The following NR3C2 variants were observed in gnomAD, a reference collection of about 807,000 sequenced individuals.
NR3C2 encodes mineralocorticoid receptor.
NR3C2 carries 15 observed loss-of-function variants against 86.4 expected under a neutral mutation model. The observed-to-expected ratio is 0.17, with a 90% CI of 0.12 to 0.27. The LOEUF (loss-of-function observed/expected upper bound fraction) is 0.27, where lower values mean the gene tolerates loss of function less well. Among genes scored for constraint, NR3C2 ranks in the 10% least tolerant of loss-of-function variants. The pLI is 1.00. For synonymous variants in NR3C2, 458 were observed against 450.5 expected, an observed-to-expected ratio of 1.02 and a Z score of -0.21; for missense variants, 960 against 1,195.6, an observed-to-expected ratio of 0.80 and a Z score of 2.91.
At chr4:148,311,066 T>C (rs975888619) in intron 2 of NR3C2, among the ~76,000 whole-genome samples, 4 of 152,192 alleles carry the variant, frequency 2.6e-5, no homozygotes, top group Non-Finnish European at 5.9e-5. Flanking sequence ...ATGTTCTTTG[T>C]TTGCTTTCCA....
chr4:148,323,891 C>T (rs1050191059), intron 2 of NR3C2, among the ~76,000 whole-genome samples: 2 of 152,194 alleles, frequency 1.3e-5, no homozygotes, highest in African/African-American at 2.4e-5. Context: ...ATTTGGCCAT[C>T]TTGGCTCCTC....
chr4:148,212,769 T>A (rs1737342722), intron 3 of NR3C2, among the ~76,000 whole-genome samples: 10 of 152,244 alleles, frequency 6.6e-5, no homozygotes, highest in Admixed American at 6.5e-4. Flanking sequence ...CAAAATTTAA[T>A]CGCATGATCC....
At chr4:148,095,182 C>T (rs1162422435) in intron 8 of NR3C2, among the ~76,000 whole-genome samples, 1 of 152,168 alleles carries the variant, frequency 6.6e-6, no homozygotes, top group Non-Finnish European at 1.5e-5. Context: ...GTATATTCCA[C>T]AATAAATATT....
intron 2 of NR3C2, among the ~76,000 whole-genome samples, chr4:148,364,723 T>C (rs1423166648): frequency 6.6e-6 from 1 of 152,176 alleles, no homozygotes; most frequent in African/African-American, 2.4e-5. Flanking sequence ...CAATGTGCCA[T>C]ATGGCCTGAC....
intron 2 of NR3C2, among the ~76,000 whole-genome samples, chr4:148,399,236 A>G (rs1028894030): frequency 6.6e-6 from 1 of 152,168 alleles, no homozygotes; most frequent in Non-Finnish European, 1.5e-5. Context: ...TTCTGCTTCC[A>G]TATATAGTAA....
intron 8 of NR3C2, among the ~76,000 whole-genome samples, chr4:148,094,712 T>C (rs1471138102): frequency 2.4e-5 from 3 of 124,970 alleles, no homozygotes; most frequent in Admixed American, 2.3e-4. Context: ...CAAAACTCCA[T>C]CTCAAAAAAA....
In NR3C2 at chr4:148,180,487, T is replaced by C. The variant is rs77464039; in HGVS notation, c.2014+14259A>G. 5.3e-5 allele frequency among the ~76,000 whole-genome samples: 8 copies of C among 152,340 alleles called. No individual in the cohort carries two copies. The East Asian group carries it at 1.3e-3, about 26-fold the overall frequency. ...CTTCTGCTTACTAACACTGTTAGTGTTAATGCTTCTCTTTTTAGTTCAAAA... is the reference window on the plus strand; with the variant it reads ...CTTCTGCTTACTAACACTGTTAGTGCTAATGCTTCTCTTTTTAGTTCAAAA... On this transcript the variant is annotated intron_variant, in intron 4 of 8. Transcript: ENST00000358102.
At chr4:148,226,452 T>G (rs1020899123) in intron 3 of NR3C2, among the ~76,000 whole-genome samples, 1 of 152,202 alleles carries the variant, frequency 6.6e-6, no homozygotes, top group African/African-American at 2.4e-5. Context: ...TTTTCATTGC[T>G]GAATAGTATT....
intron 6 of NR3C2, among the ~76,000 whole-genome samples, chr4:148,122,468 T>C (rs1478767288): frequency 2.0e-5 from 3 of 152,232 alleles, no homozygotes; most frequent in Non-Finnish European, 4.4e-5. Context: ...GATTAAGAAA[T>C]CGGAGAGTCT....
At chr4:148,126,392 G>A (rs1732747795) in intron 6 of NR3C2, among the ~76,000 whole-genome samples, 1 of 152,106 alleles carries the variant, frequency 6.6e-6, no homozygotes, top group African/African-American at 2.4e-5. Context: ...AAACCAAGAA[G>A]GAGTCAAGTC....
chr4:148,444,139 G>A, upstream of NR3C2: 3 of 985,382 alleles, frequency 3.0e-6, no homozygotes, highest in Non-Finnish European at 3.6e-6. Flanking sequence ...GGGAGCAAGG[G>A]GAGTCCCGGA....
At chr4:148,256,046 C>T (rs1488052192) in intron 3 of NR3C2, among the ~76,000 whole-genome samples, 1 of 152,190 alleles carries the variant, frequency 6.6e-6, no homozygotes, top group Non-Finnish European at 1.5e-5. Context: ...AAACTTCTAA[C>T]AGAAGAGGCA....
At chr4:148,408,456 G>A (rs1044262936) in intron 2 of NR3C2, among the ~76,000 whole-genome samples, 2 of 152,178 alleles carry the variant, frequency 1.3e-5, no homozygotes, top group Middle Eastern at 6.8e-3. Context: ...GTTTTATCTT[G>A]ATTCCCCCAC....
intron 2 of NR3C2, among the ~76,000 whole-genome samples, chr4:148,270,499 CAAT>C (rs1740626271): frequency 6.6e-6 from 1 of 152,080 alleles, no homozygotes; most frequent in Non-Finnish European, 1.5e-5. Flanking sequence ...CAATTAATGG[CAAT>C]GTTATAGTGC....
intron 2 of NR3C2, among the ~76,000 whole-genome samples, chr4:148,396,776 A>G (rs1225151138): frequency 6.6e-6 from 1 of 152,158 alleles, no homozygotes; most frequent in South Asian, 2.1e-4. Flanking sequence ...ACTCTAATAA[A>G]CTCTGAATAA....
At chr4:148,344,173 A>C (rs1373465637) in intron 2 of NR3C2, among the ~76,000 whole-genome samples, 1 of 152,142 alleles carries the variant, frequency 6.6e-6, no homozygotes, top group Non-Finnish European at 1.5e-5. Flanking sequence ...CTCTAAAATA[A>C]CATAAATGGC....
chr4:148,436,923 CA>C lies in NR3C2; in HGVS notation c.-2-62del. 3 of 1,343,618 alleles carry C rather than the reference CA, an allele frequency of 2.2e-6. No individual in the cohort carries two copies. In the South Asian group the frequency reaches 3.8e-5, roughly 17 times the overall value. The allele number at this position is 1,343,618 out of a possible 1,614,324, so 83.2% of individuals were successfully genotyped here. On this transcript the variant is annotated intron_variant, in intron 1 of 8. Coordinates refer to ENST00000358102, the MANE Select transcript of NR3C2 (RefSeq NM_000901.5). ...GTTATAGCAATATTACTCTAAAAGA[CA>C]TTCTAAAATTGCATTTGCTAAGCCA...
rs1200055447 is a variant in NR3C2, at chr4:148,186,988, GTATGTATGTATA to G, written c.2014+7746_2014+7757del. Among the ~76,000 whole-genome samples the G allele has an allele frequency of 9.9e-3, 135 of 13,692 alleles. 2 individuals are homozygous for G. The highest frequency in any genetic ancestry group is 0.05 in the Middle Eastern group (1 of 20). 9.0% of individuals were successfully genotyped at this position (13,692 alleles called of 152,430 possible). On this transcript the variant is annotated intron_variant, in intron 4 of 8. Coordinates refer to ENST00000358102, the MANE Select transcript of NR3C2 (RefSeq NM_000901.5). ...ATAGTATTCCATCATACTGATGTGTGTATGTATGTATATATATATATATATATATATATATAT... is the reference window on the plus strand; with the variant it reads ...ATAGTATTCCATCATACTGATGTGTGTATATATATATATATATATATATAT...
intron 2 of NR3C2, among the ~76,000 whole-genome samples, chr4:148,320,596 T>C (rs1209329688): frequency 2.0e-5 from 3 of 149,672 alleles, no homozygotes; most frequent in Non-Finnish European, 4.4e-5. Context: ...CTTCCTAGTT[T>C]AGTCTTGGGA....
Sources: gnomAD v4.1 joint callset for allele counts (sites outside exome capture counted in the v4.1 genomes callset) on GRCh38, gnomAD v4.1.1 for gene constraint, MANE v1.5 for transcripts, NCBI Gene and HGNC (gene_info 2026-07-23, HGNC 2026-07-21) for gene names.